Variants in ZNF710 observed in about 807,000 individuals in gnomAD.
The protein encoded by ZNF710 is zinc finger protein 710.
In ZNF710, 13 loss-of-function variants were observed where a neutral mutation model predicts 50.6. That is an observed-to-expected ratio of 0.26 (90% CI 0.17 to 0.41). ZNF710 has a LOEUF of 0.41. Among genes scored for constraint, ZNF710 ranks in the 10% least tolerant of loss-of-function variants. ZNF710 has a pLI of 1.00. For synonymous variants in ZNF710, 383 were observed against 397.0 expected, an observed-to-expected ratio of 0.96 and a Z score of 0.42; for missense variants, 721 against 936.6, an observed-to-expected ratio of 0.77 and a Z score of 3.01.
In ZNF710 at chr15:90,062,551, G is replaced by C. The variant is rs550483752; in HGVS notation, c.-28-4559G>C. 2.0e-4 allele frequency among the ~76,000 whole-genome samples: 31 copies of C among 152,326 alleles called. 3 individuals carry two copies. The South Asian group carries it at 5.2e-3, about 25-fold the overall frequency. ...CGGATGACAGAGGGGCCTTGGGTTG[G>C]GTGGGGAGGCAGCCCTGGCACACAG... On this transcript the variant is annotated intron_variant, in intron 1 of 4. Coordinates refer to ENST00000268154, the MANE Select transcript of ZNF710 (RefSeq NM_198526.4). The surrounding 1 kb of genome is among the most constrained non-coding windows in gnomAD (Gnocchi z 5.6).
intron 1 of ZNF710, among the ~76,000 whole-genome samples, chr15:90,009,906 T>G (rs1230754512): frequency 6.6e-6 from 1 of 152,076 alleles, no homozygotes; most frequent in Non-Finnish European, 1.5e-5. Flanking sequence ...CTTGTGTGAC[T>G]TCCTCTTACC....
chr15:90,021,739 G>C (rs1898628761), intron 1 of ZNF710, among the ~76,000 whole-genome samples: 1 of 152,178 alleles, frequency 6.6e-6, no homozygotes, highest in Admixed American at 6.5e-5. Context: ...GCAGGGGGCT[G>C]TAGGGAAGAC....
intron 3 of ZNF710, 151 bp downstream of exon 3, chr15:90,073,413 G>A: frequency 2.2e-6 from 2 of 897,756 alleles, no homozygotes; most frequent in Non-Finnish European, 3.3e-6. Flanking sequence ...GGCTTTGGGG[G>A]TTGGGAGGGC....
chr15:90,058,787 G>A (rs555897749), intron 1 of ZNF710, among the ~76,000 whole-genome samples: 31 of 151,962 alleles, frequency 2.0e-4, no homozygotes, highest in Middle Eastern at 3.4e-3. Context: ...GATTGTGGGG[G>A]CTGGCAAGTC....
intron 1 of ZNF710, among the ~76,000 whole-genome samples, chr15:90,003,828 G>C (rs893995665): frequency 6.6e-6 from 1 of 152,210 alleles, no homozygotes; most frequent in Admixed American, 6.5e-5. Flanking sequence ...TGTAGCTCCA[G>C]AGAGGTGCCC....
intron 1 of ZNF710, among the ~76,000 whole-genome samples, chr15:90,041,167 T>C (rs1262874190): frequency 6.6e-6 from 1 of 152,148 alleles, no homozygotes; most frequent in Non-Finnish European, 1.5e-5. Flanking sequence ...CTAGGTATCT[T>C]GCCAGTTAAA....
chr15:90,008,742 G>C (rs1898221061), intron 1 of ZNF710, among the ~76,000 whole-genome samples: 1 of 151,236 alleles, frequency 6.6e-6, no homozygotes, highest in Non-Finnish European at 1.5e-5. Flanking sequence ...GATGGCCTCA[G>C]TGTACTCCAG....
At chr15:90,047,080 C>T (rs754201852) in intron 1 of ZNF710, among the ~76,000 whole-genome samples, 3 of 152,200 alleles carry the variant, frequency 2.0e-5, no homozygotes, top group Non-Finnish European at 2.9e-5. Flanking sequence ...CACGCACAGC[C>T]ACGCTGGCCT....
chr15:90,043,656 G>A (rs1467799821), intron 1 of ZNF710, among the ~76,000 whole-genome samples: 1 of 152,210 alleles, frequency 6.6e-6, no homozygotes, highest in Non-Finnish European at 1.5e-5. Flanking sequence ...TTGTCACCGT[G>A]ATTGGCACCG....
chr15:90,032,864 G>C (rs1269071521), intron 1 of ZNF710, among the ~76,000 whole-genome samples: 1 of 151,746 alleles, frequency 6.6e-6, no homozygotes, highest in Admixed American at 6.6e-5. Context: ...TTGAGTCCAG[G>C]AGTTCAAGGC....
intron 1 of ZNF710, among the ~76,000 whole-genome samples, chr15:90,042,477 T>A (rs1415454473): frequency 6.6e-6 from 1 of 151,442 alleles, no homozygotes; most frequent in Non-Finnish European, 1.5e-5. Flanking sequence ...AGTAGATGAG[T>A]AAGGTTGAGA....
At chr15:90,037,230 T>A (rs1437732681) in intron 1 of ZNF710, among the ~76,000 whole-genome samples, 1 of 152,202 alleles carries the variant, frequency 6.6e-6, no homozygotes, top group Non-Finnish European at 1.5e-5. Flanking sequence ...ACGCTGTTTT[T>A]AAGTTTAGCT....
chr15:89,999,940 G>A (rs1423839281), upstream of ZNF710, among the ~76,000 whole-genome samples: 1 of 151,874 alleles, frequency 6.6e-6, no homozygotes, highest in Non-Finnish European at 1.5e-5. Flanking sequence ...GAAGGGAAGA[G>A]GGAGGGGAGA....
chr15:90,007,778 T>A (rs1400783948), intron 1 of ZNF710, among the ~76,000 whole-genome samples: 1 of 151,530 alleles, frequency 6.6e-6, no homozygotes, highest in Non-Finnish European at 1.5e-5. Context: ...GGCGAGCTCT[T>A]TTTTGGTAGC....
intron 1 of ZNF710, among the ~76,000 whole-genome samples, chr15:90,020,452 G>T (rs1383716117): frequency 1.3e-5 from 2 of 150,794 alleles, no homozygotes; most frequent in East Asian, 3.9e-4. Flanking sequence ...TGCCAAGAAG[G>T]CCATGGGGGC....
At chr15:89,998,386 C>G (rs181024000), upstream of ZNF710, among the ~76,000 whole-genome samples, 476 of 152,330 alleles carry the variant, frequency 3.1e-3, 5 homozygotes, top group African/African-American at 0.011. Flanking sequence ...GGCTACAACT[C>G]TGCTGATCAG....
chr15:90,049,082 G>A (rs1168965014), intron 1 of ZNF710, among the ~76,000 whole-genome samples: 1 of 152,204 alleles, frequency 6.6e-6, no homozygotes, highest in East Asian at 1.9e-4. Flanking sequence ...GGGGCCCTGG[G>A]TGACTCATAT....
rs891253973 is a variant in ZNF710, at chr15:90,034,274, T to G, written c.-29+32660T>G. Among the ~76,000 whole-genome samples, 3 of 152,054 alleles carry G rather than the reference T, an allele frequency of 2.0e-5. No homozygotes were observed. Among genetic ancestry groups the G allele is most frequent in the Admixed American group, 1.3e-4 (2 of 15,262 alleles). ...CTCCTGGAGGGGTTCTTCTGCCAGA[T>G]AGAAACAAGATATCACATGCAAGAG... On this transcript the variant is annotated intron_variant, in intron 1 of 4. Coordinates refer to ENST00000268154, the MANE Select transcript of ZNF710 (RefSeq NM_198526.4). This position sits in a 1 kb window ranked among gnomAD's most constrained non-coding sequence, Gnocchi z 4.0.
At chr15:90,055,732 C>T (rs898810982) in intron 1 of ZNF710, among the ~76,000 whole-genome samples, 38 of 152,236 alleles carry the variant, frequency 2.5e-4, no homozygotes, top group African/African-American at 8.4e-4. Flanking sequence ...CCTTCATGGT[C>T]CCCAGACGGT....
Sources: allele counts gnomAD v4.1 joint callset (sites outside exome capture counted in the v4.1 genomes callset), GRCh38; gene constraint gnomAD v4.1.1; non-coding constraint Gnocchi (gnomAD v3.1); transcripts MANE v1.5; gene names NCBI Gene and HGNC (gene_info 2026-07-23, HGNC 2026-07-21).